The following ADRA1A variants were observed in gnomAD, a reference collection of about 807,000 sequenced individuals.
ADRA1A encodes adrenoceptor alpha 1A.
ADRA1A carries 31 observed loss-of-function variants against 29.6 expected under a neutral mutation model. That is an observed-to-expected ratio of 1.05 (90% CI 0.79 to 1.41). The LOEUF is 1.41. ADRA1A is among the 40% of genes most tolerant of loss of function. ADRA1A has a pLI of 0.00. For synonymous variants in ADRA1A, 311 were observed against 254.3 expected (o/e 1.22, Z -2.12); for missense variants, 619 against 601.1 (o/e 1.03, Z -0.31).
At chr8:26,833,078 G>A (rs1037134821) in intron 2 of ADRA1A, among the ~76,000 whole-genome samples, 2 of 152,180 alleles carry the variant, frequency 1.3e-5, no homozygotes, top group East Asian at 1.9e-4. Flanking sequence ...ATAGATATAC[G>A]TGTGTGTGGA....
intron 2 of ADRA1A, among the ~76,000 whole-genome samples, chr8:26,750,103 G>A (rs893819865): frequency 2.6e-5 from 4 of 152,186 alleles, no homozygotes; most frequent in East Asian, 3.9e-4. Flanking sequence ...GGCAGATTTG[G>A]TATCTGGTAA....
Position 26,769,469 on chromosome 8 carries a change from C to T in ADRA1A, c.*680G>A. On this transcript the variant is annotated 3_prime_UTR_variant, in exon 3 of 3. Transcript: ENST00000380573. Reference sequence around the variant, plus strand: ...TGGTTCTTTCAACCCTCTCCTGACCCAAGGATAGAGAACACTACATTCCAA... The same window carrying T: ...TGGTTCTTTCAACCCTCTCCTGACCTAAGGATAGAGAACACTACATTCCAA... 2 of 985,398 alleles carry T rather than the reference C, an allele frequency of 2.0e-6. No individual in the cohort carries two copies. Among genetic ancestry groups the T allele is most frequent in the Non-Finnish European group, 2.4e-6 (2 of 829,926 alleles). The allele number at this position is 985,398 out of a possible 1,614,324, so 61.0% of individuals were successfully genotyped here.
chr8:26,806,859 T>C lies in ADRA1A; in HGVS notation c.884-36193A>G, dbSNP rs13258222. 0.11 allele frequency among the ~76,000 whole-genome samples: 16,261 copies of C among 152,082 alleles called. 1,418 individuals are homozygous for C. Among genetic ancestry groups the C allele is most frequent in the East Asian group, 0.33 (1,699 of 5,166 alleles). On this transcript the variant is annotated intron_variant, in intron 2 of 2. Coordinates refer to ENST00000380573, the MANE Select transcript of ADRA1A (RefSeq NM_000680.4). This position sits in a 1 kb window ranked among gnomAD's most constrained non-coding sequence, Gnocchi z 4.6. ...TTCCCAGAGTGGGTGGGGAGGGGGC[T>C]GGCATCTGTGATAATGAGAGAAGAT...
chr8:26,749,310 T>C (rs1181175149), intron 2 of ADRA1A, among the ~76,000 whole-genome samples: 1 of 152,242 alleles, frequency 6.6e-6, no homozygotes. Context: ...CACTGATCTA[T>C]AGAGATGCAT....
In ADRA1A at chr8:26,831,444, T is replaced by C. The variant is rs959749692; in HGVS notation, c.883+32643A>G. ...GCCAGTGCTCAAGTGGGCAGACTGA[T>C]ACTGAGCTCTGCTGGGATTGCCCAG... On this transcript the variant is annotated intron_variant, in intron 2 of 2. Transcript: ENST00000380573. The surrounding 1 kb of genome is among the most constrained non-coding windows in gnomAD (Gnocchi z 5.2). Among the ~76,000 whole-genome samples, 9 of 152,108 alleles carry C rather than the reference T, an allele frequency of 5.9e-5. No individual in the cohort carries two copies. Among genetic ancestry groups the C allele is most frequent in the African/African-American group, 2.2e-4 (9 of 41,420 alleles).
At chr8:26,858,957 G>C in intron 2 of ADRA1A, 1 of 1,001,646 alleles carries the variant, frequency 1.0e-6, no homozygotes, top group Non-Finnish European at 1.3e-6. Context: ...TTAGTGGAAA[G>C]AAGCTTGGGA....
In ADRA1A at chr8:26,777,416, A is replaced by T. The variant is rs114976820; in HGVS notation, c.884-6750T>A. Among the ~76,000 whole-genome samples, 316 of 152,322 alleles carry T rather than the reference A, an allele frequency of 2.1e-3. 2 individuals are homozygous for T. The highest frequency in any genetic ancestry group is 7.4e-3 in the African/African-American group (306 of 41,576). ...TGATGGTAAAGATGGTTCAGCCTGG[A>T]TCCCAGGTAGAGAGGACAAGCTGTA... On this transcript the variant is annotated intron_variant, in intron 2 of 2. Coordinates refer to ENST00000380573, the MANE Select transcript of ADRA1A (RefSeq NM_000680.4).
At chr8:26,859,756 T>C (rs1813308350) in intron 2 of ADRA1A, among the ~76,000 whole-genome samples, 1 of 150,940 alleles carries the variant, frequency 6.6e-6, no homozygotes, top group Non-Finnish European at 1.5e-5. Context: ...ACTTCCCTCC[T>C]GTCATATCAT....
intron 2 of ADRA1A, among the ~76,000 whole-genome samples, chr8:26,822,888 A>G (rs1052277193): frequency 2.0e-5 from 3 of 152,266 alleles, no homozygotes; most frequent in South Asian, 2.1e-4. Flanking sequence ...GAGGTGCCAC[A>G]CACTTTTAAT....
In ADRA1A at chr8:26,796,727, G is replaced by C. The variant is rs894894680; in HGVS notation, c.884-26061C>G. Among the ~76,000 whole-genome samples the C allele has an allele frequency of 6.6e-6, 1 of 152,076 alleles. No individual in the cohort carries two copies. On this transcript the variant is annotated intron_variant, in intron 2 of 2. Transcript: ENST00000380573. This position sits in a 1 kb window ranked among gnomAD's most constrained non-coding sequence, Gnocchi z 5.0. ...AGTGGATAGAGAGATGATTAATTTC[G>C]AAAGGGGGGTACAAGATGAAGGGAC...
At position 26,803,919 on chromosome 8, in the gene ADRA1A, C is replaced by CTTTT. The variant is rs34314160; in HGVS notation, c.884-33257_884-33254dup. On this transcript the variant is annotated intron_variant, in intron 2 of 2. Coordinates refer to ENST00000380573, the MANE Select transcript of ADRA1A (RefSeq NM_000680.4). ...TGCAAAAGAATATTTTGGAAGTTTC[C>CTTTT]TTTTTTTTTTTTTTTTTTTTTTGAG... 4.8e-3 allele frequency among the ~76,000 whole-genome samples: 459 copies of CTTTT among 95,136 alleles called. 1 individual carries two copies. Among genetic ancestry groups the CTTTT allele is most frequent in the African/African-American group, 7.6e-3 (171 of 22,502 alleles). The allele number at this position is 95,136 out of a possible 152,430, so 62.4% of individuals were successfully genotyped here. A position where few individuals can be genotyped will look rare whatever the true frequency, so the allele number is the denominator to read the frequency against.
At chr8:26,856,437 C>CA (rs1419164274) in intron 2 of ADRA1A, among the ~76,000 whole-genome samples, 1 of 152,208 alleles carries the variant, frequency 6.6e-6, no homozygotes, top group Admixed American at 6.5e-5. Flanking sequence ...GATAAAAACA[C>CA]AAACTTGTAT....
In ADRA1A at chr8:26,769,743, A is replaced by C. The variant is rs1806000029; in HGVS notation, c.*406T>G. The C allele has an allele frequency of 1.0e-6, 1 of 991,414 alleles. No homozygotes were observed. The highest frequency in any genetic ancestry group is 1.7e-5 in the African/African-American group (1 of 57,450). The allele number at this position is 991,414 out of a possible 1,614,324, so 61.4% of individuals were successfully genotyped here. ...TGTGGCTGTCAGTAGGTTGAGCCTG[A>C]AAATAAAATCCCCTCACTTCCATCA... is the stretch of plus-strand genomic sequence containing the variant. On this transcript the variant is annotated 3_prime_UTR_variant, in exon 3 of 3. Transcript: ENST00000380573.
intron 2 of ADRA1A, among the ~76,000 whole-genome samples, chr8:26,801,779 TAGCCAAAGGTATCCAG>T (rs1808596195): frequency 6.6e-6 from 1 of 152,046 alleles, no homozygotes; most frequent in Non-Finnish European, 1.5e-5. Context: ...AAAACCAGAA[TAGCCAAAGGTATCCAG>T]AGCAAAAAGA....
At chr8:26,859,760 A>G (rs891353195) in intron 2 of ADRA1A, among the ~76,000 whole-genome samples, 5 of 149,142 alleles carry the variant, frequency 3.4e-5, no homozygotes, top group African/African-American at 1.2e-4. Context: ...CCCTCCTGTC[A>G]TATCATTTTT....
chr8:26,820,443 G>T (rs1003911624), intron 2 of ADRA1A, among the ~76,000 whole-genome samples: 14 of 152,184 alleles, frequency 9.2e-5, no homozygotes, highest in African/African-American at 3.4e-4. Context: ...TGGAAAAAAA[G>T]TGTACATCTA....
chr8:26,864,355 G>A lies in ADRA1A; in HGVS notation c.615C>T (p.Cys205=), dbSNP rs375583228. The change falls in exon 2 of 3, where the codon TGC becomes TGT. Residue 205 remains cysteine, a synonymous_variant. Transcript: ENST00000380573. The surrounding 1 kb of genome is among the most constrained non-coding windows in gnomAD (Gnocchi z 8.1). ...LPLAIILVMY[C]RVYVVAKRES... Reference sequence around the variant, plus strand: ...CCCTCTTGGCCACCACGTAGACGCGGCAGTACATGACCAGGATGATGGCCA... The same window carrying A: ...CCCTCTTGGCCACCACGTAGACGCGACAGTACATGACCAGGATGATGGCCA... 3 of 1,613,890 alleles carry A rather than the reference G, an allele frequency of 1.9e-6. No individual in the cohort carries two copies. The highest frequency in any genetic ancestry group is 2.7e-5 in the African/African-American group (2 of 74,944).
In ADRA1A at chr8:26,825,760, A is replaced by C. The variant is rs183159870; in HGVS notation, c.883+38327T>G. On this transcript the variant is annotated intron_variant, in intron 2 of 2. Transcript: ENST00000380573. The surrounding 1 kb of genome is among the most constrained non-coding windows in gnomAD (Gnocchi z 5.7). ...CCTCCTGATTTAACAATCCTTAAGG[A>C]ACAGTCTCCCTTGTATCCTGCGGGC... Among the ~76,000 whole-genome samples the C allele has an allele frequency of 2.3e-4, 35 of 152,346 alleles. No individual in the cohort carries two copies. Among genetic ancestry groups the C allele is most frequent in the African/African-American group, 7.5e-4 (31 of 41,582 alleles).
intron 2 of ADRA1A, chr8:26,779,139 G>C (rs1806767227): frequency 3.4e-6 from 2 of 589,948 alleles, no homozygotes; most frequent in South Asian, 4.4e-5. Context: ...CCAGAGCACA[G>C]ATGATATGCT....
Sources: gnomAD v4.1 joint callset for allele counts (sites outside exome capture counted in the v4.1 genomes callset) on GRCh38, gnomAD v4.1.1 for gene constraint, Gnocchi (gnomAD v3.1) non-coding constraint, MANE v1.5 for transcripts, NCBI Gene and HGNC (gene_info 2026-07-23, HGNC 2026-07-21) for gene names.